The following MMP9 variants were observed in gnomAD, a reference collection of about 807,000 sequenced individuals.
MMP9 encodes matrix metalloproteinase-9.
Under a neutral mutation model 76.4 loss-of-function variants are expected in MMP9, and 73 were observed. The ratio of observed to expected loss-of-function variants is 0.96; its 90% CI spans 0.79 to 1.16. The LOEUF (loss-of-function observed/expected upper bound fraction) is 1.16. Among genes scored for constraint, MMP9 ranks in the 50% most tolerant of loss-of-function variants. The pLI is 0.00. For missense variants in MMP9, 943 were observed against 973.0 expected (o/e 0.97, Z 0.41); for synonymous variants, 412 against 408.4 (o/e 1.01, Z -0.11).
chr20:46,012,504 C>T lies in MMP9; in HGVS notation c.1252C>T (p.Leu418Phe). Reference protein sequence around the residue: ...GLDHSSVPEALMYPMYRFTEG... With the variant: ...GLDHSSVPEAFMYPMYRFTEG... ...AGATCATTCCTCAGTGCCGGAGGCG[C>T]TCATGTACCCTATGTACCGCTTCAC... The change falls in exon 8 of 13, where the codon CTC (leucine) becomes TTC (phenylalanine). Residue 418 changes from leucine to phenylalanine, a missense_variant. Leu to Phe is a conservative substitution (Grantham distance 22, BLOSUM62 0). Coordinates refer to ENST00000372330, the MANE Select transcript of MMP9 (RefSeq NM_004994.3). 6 of 1,614,216 alleles carry T rather than the reference C, an allele frequency of 3.7e-6. No individual in the cohort carries two copies. Among genetic ancestry groups the T allele is most frequent in the Non-Finnish European group, 5.1e-6 (6 of 1,180,032 alleles).
At chr20:46,009,132 T>G (rs1387492031) in intron 1 of MMP9, 68 bp downstream of exon 1, 2 of 1,540,318 alleles carry the variant, frequency 1.3e-6, no homozygotes, top group Non-Finnish European at 1.8e-6. Flanking sequence ...CCAGAGAGGA[T>G]GCAGGGCCTC....
Position 46,011,179 on chromosome 20 carries a change from C to T in MMP9, c.686C>T (p.Ala229Val). ...PTRFGNADGA[A>V]CHFPFIFEGR... is the part of the protein sequence containing the mutation. Reference sequence around the variant, plus strand: ...CGGTTTGGAAACGCAGATGGCGCGGCCTGCCACTTCCCCTTCATCTTCGAG... The same window carrying T: ...CGGTTTGGAAACGCAGATGGCGCGGTCTGCCACTTCCCCTTCATCTTCGAG... Residue 229 changes from alanine to valine, a missense_variant, in exon 5 of 13, where the codon GCC becomes GTC. By Grantham distance (64) the Ala-to-Val change is moderately conservative (BLOSUM62 0). Transcript: ENST00000372330. 2 of 1,614,168 alleles carry T rather than the reference C, an allele frequency of 1.2e-6. No individual in the cohort carries two copies. Among genetic ancestry groups the T allele is most frequent in the South Asian group, 1.1e-5 (1 of 91,086 alleles).
chr20:46,013,756 C>T lies in MMP9; in HGVS notation c.1710C>T (p.Val570=), dbSNP rs146961494. Residue 570 remains valine (V), a synonymous_variant, in exon 10 of 13, where the codon GTC becomes GTT. Coordinates refer to ENST00000372330, the MANE Select transcript of MMP9 (RefSeq NM_004994.3). This position sits in a 1 kb window ranked among gnomAD's most constrained non-coding sequence, Gnocchi z 4.5. ...CGCTGCCCCGCAAGCTGGACTCGGT[C>T]TTTGAGGAGCGGCTCTCCAAGAAGC... ...WPALPRKLDS[V]FEERLSKKLF... is the part of the protein sequence containing the mutation. The T allele has an allele frequency of 1.9e-6, 3 of 1,613,662 alleles. No individual in the cohort carries two copies. The highest frequency in any genetic ancestry group is 2.2e-5 in the East Asian group (1 of 44,868).
In MMP9 at chr20:46,010,040, G is replaced by A. The variant is rs1346496443; in HGVS notation, c.313G>A (p.Gly105Ser). The change falls in exon 2 of 13, where the codon GGC becomes AGC. Residue 105 changes from glycine (G) to serine (S), a missense_variant. Transcript: ENST00000372330. Reference sequence around the variant, plus strand: ...CCCACGGTGCGGGGTCCCAGACCTGGGCAGATTCCAAACCTTTGAGGGCGA... The same window carrying A: ...CCCACGGTGCGGGGTCCCAGACCTGAGCAGATTCCAAACCTTTGAGGGCGA... ...RTPRCGVPDL[G>S]RFQTFEGDLK... 1 of 1,551,434 alleles carries A rather than the reference G, an allele frequency of 6.4e-7. No individual in the cohort carries two copies. Among genetic ancestry groups the A allele is most frequent in the Non-Finnish European group, 8.7e-7 (1 of 1,146,990 alleles).
At chr20:46,009,782 G>A (rs2145450590) in intron 1 of MMP9, 84 bp from the exon 2 acceptor site, 1 of 1,139,294 alleles carries the variant, frequency 8.8e-7, no homozygotes, top group African/African-American at 1.5e-5. Flanking sequence ...CTCCCTCCAT[G>A]AGTGTCTGGA....
Position 46,012,179 on chromosome 20 carries a change from G to A in MMP9, c.1040G>A (p.Cys347Tyr), listed in dbSNP as rs145450508. The change falls in exon 7 of 13, where the codon TGC (cysteine) becomes TAC (tyrosine). Residue 347 changes from cysteine (C) to tyrosine (Y), a missense_variant. By Grantham distance (194) the Cys-to-Tyr change is radical. Coordinates refer to ENST00000372330, the MANE Select transcript of MMP9 (RefSeq NM_004994.3). The stretch of plus-strand genomic sequence containing the variant: ...GGGGGCAACTCGGCGGGGGAGCTGT[G>A]CGTCTTCCCCTTCACTTTCCTGGGT... ...VMGGNSAGELCVFPFTFLGKE... is the reference protein window; with the variant it reads ...VMGGNSAGELYVFPFTFLGKE... 5 of 1,614,020 alleles carry A rather than the reference G, an allele frequency of 3.1e-6. No homozygotes were observed. The African/African-American group carries it at 6.7e-5, about 22-fold the overall frequency.
rs1198701842 is a variant in MMP9, at chr20:46,014,405, A to G, written c.1936A>G (p.Ser646Gly). Residue 646 changes from serine (S) to glycine (G), a missense_variant, in exon 12 of 13, where the codon AGC (serine) becomes GGC (glycine). Transcript: ENST00000372330. ...DVKAQMVDPR[S>G]ASEVDRMFPG... ...GAAGGCGCAGATGGTGGATCCCCGG[A>G]GCGCCAGCGAGGTGGACCGGATGTT... is the stretch of plus-strand genomic sequence containing the variant. 9 of 1,549,680 alleles carry G rather than the reference A, an allele frequency of 5.8e-6. No homozygotes were observed. The highest frequency in any genetic ancestry group is 2.0e-5 in the Admixed American group (1 of 50,980).
intron 2 of MMP9, 43 bp downstream of exon 2, chr20:46,010,141 C>T (rs1459053620): frequency 4.1e-6 from 6 of 1,477,568 alleles, no homozygotes; most frequent in African/African-American, 2.8e-5. Flanking sequence ...GCGGGGAGGC[C>T]AGGTCTGGCT....
intron 8 of MMP9, among the ~76,000 whole-genome samples, chr20:46,012,968 G>A (rs1029634463): frequency 2.0e-5 from 3 of 152,194 alleles, no homozygotes; most frequent in Admixed American, 6.5e-5. Flanking sequence ...GCACATGTCT[G>A]TAGTCCTAGC....
Position 46,013,887 on chromosome 20 carries a change from G to A in MMP9, c.1750+91G>A. On this transcript the variant is annotated intron_variant, in intron 10 of 12. Coordinates refer to ENST00000372330, the MANE Select transcript of MMP9 (RefSeq NM_004994.3). This position sits in a 1 kb window ranked among gnomAD's most constrained non-coding sequence, Gnocchi z 4.5. ...ATCGATAACCCACGAAACGTCTTGT[G>A]CGTTTTAGAAAAATACGCCCCCTGG... The A allele has an allele frequency of 6.4e-7, 1 of 1,562,832 alleles. No homozygotes were observed. Among genetic ancestry groups the A allele is most frequent in the Non-Finnish European group, 8.7e-7 (1 of 1,148,332 alleles).
chr20:46,011,478 T>G (rs540235726), intron 5 of MMP9, 96 bp from the exon 6 acceptor site: 1 of 1,582,024 alleles, frequency 6.3e-7, no homozygotes, highest in Non-Finnish European at 8.7e-7. Context: ...TGGGATGAAC[T>G]GCAGACCATC....
chr20:46,012,509 G>A lies in MMP9; in HGVS notation c.1257G>A (p.Met419Ile), dbSNP rs1779206945. 6.2e-7 allele frequency: 1 copy of A among 1,614,020 alleles called. No individual in the cohort carries two copies. Among genetic ancestry groups the A allele is most frequent in the Non-Finnish European group, 8.5e-7 (1 of 1,179,878 alleles). Residue 419 changes from methionine to isoleucine, a missense_variant, in exon 8 of 13, where the codon ATG becomes ATA. Physicochemically the swap from Met to Ile is conservative, Grantham distance 10. Coordinates refer to ENST00000372330, the MANE Select transcript of MMP9 (RefSeq NM_004994.3). ...ATTCCTCAGTGCCGGAGGCGCTCAT[G>A]TACCCTATGTACCGCTTCACTGAGG... is the stretch of plus-strand genomic sequence containing the variant. ...LDHSSVPEAL[M>I]YPMYRFTEGP... is the part of the protein sequence containing the mutation.
Position 46,013,885 on chromosome 20 carries a change from GT to G in MMP9, c.1750+90del. On this transcript the variant is annotated intron_variant, in intron 10 of 12. Transcript: ENST00000372330. This position sits in a 1 kb window ranked among gnomAD's most constrained non-coding sequence, Gnocchi z 4.5. The stretch of plus-strand genomic sequence containing the variant: ...CCATCGATAACCCACGAAACGTCTT[GT>G]GCGTTTTAGAAAAATACGCCCCCTG... The G allele has an allele frequency of 6.4e-7, 1 of 1,563,908 alleles. No individual in the cohort carries two copies. Among genetic ancestry groups the G allele is most frequent in the Non-Finnish European group, 8.7e-7 (1 of 1,148,874 alleles).
rs201304772 is a variant in MMP9, at chr20:46,013,433, G to T, written c.1509G>T (p.Thr503=). The stretch of plus-strand genomic sequence containing the variant: ...GTCCCCCCACTGCTGGCCCTTCTAC[G>T]GCCACTACTGTGCCTTTGAGTCCGG... ...PTGPPTAGPS[T]ATTVPLSPVD... The change falls in exon 9 of 13, where the codon ACG becomes ACT. Residue 503 remains threonine, a synonymous_variant. Coordinates refer to ENST00000372330, the MANE Select transcript of MMP9 (RefSeq NM_004994.3). This position sits in a 1 kb window ranked among gnomAD's most constrained non-coding sequence, Gnocchi z 4.5. The T allele has an allele frequency of 2.5e-6, 4 of 1,613,510 alleles. No homozygotes were observed. Among genetic ancestry groups the T allele is most frequent in the East Asian group, 4.5e-5 (2 of 44,840 alleles).
chr20:46,013,338 C>T lies in MMP9; in HGVS notation c.1414C>T (p.Pro472Ser), dbSNP rs148151404. 2.2e-4 allele frequency: 350 copies of T among 1,612,710 alleles called. 6 individuals carry two copies. The Middle Eastern group carries it at 0.02, about 91-fold the overall frequency. The change falls in exon 9 of 13, where the codon CCC becomes TCC. Residue 472 changes from proline to serine, a missense_variant. By Grantham distance (74) the Pro-to-Ser change is moderately conservative. Transcript: ENST00000372330. This position sits in a 1 kb window ranked among gnomAD's most constrained non-coding sequence, Gnocchi z 4.5. ...TAPPTVCPTG[P>S]PTVHPSERPT... is the part of the protein sequence containing the mutation. ...TCCCCCGACGGTCTGCCCCACCGGA[C>T]CCCCCACTGTCCACCCCTCAGAGCG... is the stretch of plus-strand genomic sequence containing the variant.
At chr20:46,009,770 G>T (rs929282034) in intron 1 of MMP9, 96 bp from the exon 2 acceptor site, 33 of 1,057,662 alleles carry the variant, frequency 3.1e-5, no homozygotes, top group Non-Finnish European at 4.0e-5. Flanking sequence ...AAAGAAAAAA[G>T]ACTCCCTCCA....
intron 1 of MMP9, 53 bp from the exon 2 acceptor site, chr20:46,009,813 T>C: frequency 6.7e-7 from 1 of 1,486,644 alleles, no homozygotes; most frequent in Non-Finnish European, 9.2e-7. Context: ...TGGCCCCAGC[T>C]GGGCAGAGAA....
chr20:46,011,701 C>T lies in MMP9; in HGVS notation c.951C>T (p.Thr317=), dbSNP rs1239317100. ...RSDGYRWCAT[T]ANYDRDKLFG... ...ACGGCTACCGCTGGTGCGCCACCAC[C>T]GCCAACTACGACCGGGACAAGCTCT... The change falls in exon 6 of 13, where the codon ACC becomes ACT. Residue 317 remains threonine (T), a synonymous_variant. Coordinates refer to ENST00000372330, the MANE Select transcript of MMP9 (RefSeq NM_004994.3). The T allele has an allele frequency of 6.2e-7, 1 of 1,613,796 alleles. No individual in the cohort carries two copies. Among genetic ancestry groups the T allele is most frequent in the African/African-American group, 1.3e-5 (1 of 74,900 alleles).
At chr20:46,010,333 A>AAAAAAAAACAAAC in intron 2 of MMP9, 150 bp from the exon 3 acceptor site, 1 of 827,760 alleles carries the variant, frequency 1.2e-6, no homozygotes. Flanking sequence ...AAAAAAAAAA[A>AAAAAAAAACAAAC]AAAAAAAACA....
Sources: gnomAD v4.1 joint callset for allele counts (sites outside exome capture counted in the v4.1 genomes callset) on GRCh38, gnomAD v4.1.1 for gene constraint, Gnocchi (gnomAD v3.1) non-coding constraint, MANE v1.5 for transcripts, NCBI Gene and HGNC (gene_info 2026-07-23, HGNC 2026-07-21) for gene names.